ATP8A1: variants seen among roughly 807,000 people sequenced by gnomAD.
ATP8A1 encodes the protein ATPase phospholipid transporting 8A1, also known as phospholipid-transporting ATPase IA.
ATP8A1 carries 90 observed loss-of-function variants against 177.7 expected under a neutral mutation model. The observed-to-expected ratio is 0.51, with a 90% CI of 0.43 to 0.60. The LOEUF is 0.60. ATP8A1 is among the 20% of genes least tolerant of loss of function. The pLI, the probability that ATP8A1 is intolerant of heterozygous loss-of-function variation, is 0.00. For synonymous variants in ATP8A1, 493 were observed against 485.9 expected (o/e 1.01, Z -0.19); for missense variants, 1,072 against 1,392.8 (o/e 0.77, Z 3.67).
intron 25 of ATP8A1, among the ~76,000 whole-genome samples, chr4:42,480,089 TG>T (rs1374440722): frequency 6.6e-6 from 1 of 151,078 alleles, no homozygotes; most frequent in Non-Finnish European, 1.5e-5. Context: ...CACCTAAAAC[TG>T]TAAAATGTTG....
At chr4:42,526,314 C>T (rs1726666389) in intron 20 of ATP8A1, among the ~76,000 whole-genome samples, 1 of 152,098 alleles carries the variant, frequency 6.6e-6, no homozygotes, top group Admixed American at 6.6e-5. Context: ...CTAGCCATGC[C>T]TACACATGAA....
intron 22 of ATP8A1, among the ~76,000 whole-genome samples, chr4:42,512,085 C>A (rs1266724511): frequency 1.3e-5 from 2 of 152,188 alleles, no homozygotes; most frequent in Non-Finnish European, 2.9e-5. Flanking sequence ...GTACCAGGCA[C>A]TGCTAAGTGC....
Position 42,466,158 on chromosome 4 carries a change from C to T in ATP8A1, c.2325-1082G>A, listed in dbSNP as rs61187072. On this transcript the variant is annotated intron_variant, in intron 25 of 36. Coordinates refer to ENST00000381668, the MANE Select transcript of ATP8A1 (RefSeq NM_006095.2). The stretch of plus-strand genomic sequence containing the variant: ...ACTATAGAGAAAGACAGGAAAACTA[C>T]ACAATAAATTGTTCTAACAAACAGT... Among the ~76,000 whole-genome samples the T allele has an allele frequency of 4.0e-3, 598 of 151,104 alleles. 3 individuals carry two copies. Among genetic ancestry groups the T allele is most frequent in the African/African-American group, 0.014 (577 of 41,126 alleles).
chr4:42,607,399 T>A (rs1179176994), intron 5 of ATP8A1, among the ~76,000 whole-genome samples: 2 of 152,216 alleles, frequency 1.3e-5, no homozygotes, highest in Non-Finnish European at 2.9e-5. Context: ...TAATTCATTG[T>A]TATCTTTTAG....
intron 1 of ATP8A1, among the ~76,000 whole-genome samples, chr4:42,645,249 AGAG>A (rs1452444981): frequency 6.6e-6 from 1 of 152,228 alleles, no homozygotes; most frequent in Admixed American, 6.5e-5. Context: ...GGGGAAATTA[AGAG>A]GAGTATAATT....
intron 33 of ATP8A1, among the ~76,000 whole-genome samples, chr4:42,430,218 C>T (rs1387245632): frequency 6.6e-6 from 1 of 152,140 alleles, no homozygotes; most frequent in Non-Finnish European, 1.5e-5. Context: ...ACCCACTTCA[C>T]GCCCTTCCAC....
intron 21 of ATP8A1, among the ~76,000 whole-genome samples, chr4:42,523,403 T>C (rs1726346434): frequency 2.0e-5 from 3 of 152,194 alleles, no homozygotes; most frequent in Admixed American, 2.0e-4. Flanking sequence ...AGACAAAATG[T>C]GTTTAAGGGA....
At chr4:42,450,159 A>G (rs1717777731) in intron 30 of ATP8A1, among the ~76,000 whole-genome samples, 1 of 152,212 alleles carries the variant, frequency 6.6e-6, no homozygotes, top group South Asian at 2.1e-4. Context: ...GCATATCTAT[A>G]CCATGGAATA....
At chr4:42,586,017 G>C (rs1287456539) in intron 9 of ATP8A1, among the ~76,000 whole-genome samples, 1 of 152,116 alleles carries the variant, frequency 6.6e-6, no homozygotes, top group Non-Finnish European at 1.5e-5. Context: ...CCTATAACAC[G>C]AGTATTTGGC....
intron 33 of ATP8A1, among the ~76,000 whole-genome samples, chr4:42,433,493 C>T (rs1442066604): frequency 6.6e-6 from 1 of 152,178 alleles, no homozygotes; most frequent in Non-Finnish European, 1.5e-5. Flanking sequence ...GGGATGGTTA[C>T]TTTCTCCACG....
intron 25 of ATP8A1, among the ~76,000 whole-genome samples, chr4:42,482,046 T>A (rs536223896): frequency 2.0e-5 from 3 of 152,308 alleles, no homozygotes; most frequent in South Asian, 4.1e-4. Context: ...CTCATGTCTG[T>A]AATCCCAGCA....
chr4:42,552,371 A>T (rs970258217), intron 17 of ATP8A1, 134 bp downstream of exon 17: 3 of 676,048 alleles, frequency 4.4e-6, no homozygotes, highest in Admixed American at 3.2e-5. Flanking sequence ...TTGAAAGCCA[A>T]GGTTTTTCTA....
intron 11 of ATP8A1, 49 bp from the exon 12 acceptor site, chr4:42,578,436 T>A (rs756244116): frequency 1.6e-5 from 26 of 1,589,846 alleles, no homozygotes; most frequent in Non-Finnish European, 2.6e-6. Context: ...ATATTTTATT[T>A]GCATTGACCC....
At chr4:42,442,284 G>T (rs1479313747) in intron 33 of ATP8A1, among the ~76,000 whole-genome samples, 1 of 152,154 alleles carries the variant, frequency 6.6e-6, no homozygotes, top group African/African-American at 2.4e-5. Context: ...TAAGGGAAAG[G>T]CAGGTCCAAT....
intron 19 of ATP8A1, among the ~76,000 whole-genome samples, chr4:42,545,074 C>A (rs1220757811): frequency 6.6e-6 from 1 of 150,598 alleles, no homozygotes; most frequent in African/African-American, 2.5e-5. Flanking sequence ...GCAGAAGAAT[C>A]GCTCGAACCC....
intron 5 of ATP8A1, among the ~76,000 whole-genome samples, chr4:42,609,966 C>G (rs1736207003): frequency 6.6e-6 from 1 of 152,108 alleles, no homozygotes; most frequent in Non-Finnish European, 1.5e-5. Context: ...TATGCCCTGG[C>G]CAAAACAGAC....
rs1204463665 is a variant in ATP8A1 at position 42,423,682 on chromosome 4, T to C, written c.3147A>G (p.Gly1049=). The change falls in exon 34 of 37, where the codon GGA becomes GGG. Residue 1049 remains glycine (G), a synonymous_variant. Transcript: ENST00000381668. ...TGAATAACAAGCCCATCCAAAAGAC[T>C]CCAGAACTGAACAACATGGCTGCCT... is the stretch of plus-strand genomic sequence containing the variant. The part of the protein sequence containing the change: ...SGEAAMLFSS[G]VFWMGLLFIP... 1.2e-6 allele frequency: 2 copies of C among 1,612,412 alleles called. No individual in the cohort carries two copies. Among genetic ancestry groups the C allele is most frequent in the African/African-American group, 2.7e-5 (2 of 75,020 alleles).
intron 25 of ATP8A1, among the ~76,000 whole-genome samples, chr4:42,470,118 A>G (rs1577996896): frequency 6.6e-6 from 1 of 152,230 alleles, no homozygotes; most frequent in Non-Finnish European, 1.5e-5. Context: ...AAGAGACTCC[A>G]TGGAAAAAGA....
chr4:42,533,298 T>C lies in ATP8A1; in HGVS notation c.1723-8451A>G, dbSNP rs148042269. Among the ~76,000 whole-genome samples, 203 of 152,290 alleles carry C rather than the reference T, an allele frequency of 1.3e-3. 1 individual carries two copies. The highest frequency in any genetic ancestry group is 4.7e-3 in the African/African-American group (194 of 41,568). On this transcript the variant is annotated intron_variant, in intron 20 of 36. Transcript: ENST00000381668. Reference sequence around the variant, plus strand: ...GGCTGCTTGGGAACAAACTTGGTGCTGTTGGGGGTGCACAGTGGGAGTGAG... The same window carrying C: ...GGCTGCTTGGGAACAAACTTGGTGCCGTTGGGGGTGCACAGTGGGAGTGAG...
Sources: gnomAD v4.1 joint callset for allele counts (sites outside exome capture counted in the v4.1 genomes callset) on GRCh38, gnomAD v4.1.1 for gene constraint, MANE v1.5 for transcripts, NCBI Gene and HGNC (gene_info 2026-07-23, HGNC 2026-07-21) for gene names.